Variants in OCA2 observed in about 807,000 individuals in gnomAD.
The protein encoded by OCA2 is P protein.
A neutral mutation model predicts 100.2 loss-of-function variants in OCA2; 77 were observed. That is an observed-to-expected ratio of 0.77 (90% CI 0.64 to 0.93). OCA2 has a LOEUF of 0.93. OCA2 is among the 40% of genes least tolerant of loss of function. The pLI, the probability that OCA2 is intolerant of heterozygous loss-of-function variation, is 0.00. For missense variants in OCA2, 1,062 were observed against 1,089.1 expected, an observed-to-expected ratio of 0.98 and a Z score of 0.35; for synonymous variants, 432 against 439.2, an observed-to-expected ratio of 0.98 and a Z score of 0.21.
At chr15:27,739,590 C>T in the OCA2 span, among the ~76,000 whole-genome samples, 4 of 151,748 alleles carry the variant, frequency 2.6e-5, no homozygotes, top group Non-Finnish European at 5.9e-5. Flanking sequence ...GAACTACAGG[C>T]GCCCACCACC....
intron 9 of OCA2, among the ~76,000 whole-genome samples, chr15:28,006,022 T>G (rs372007788): frequency 6.6e-6 from 1 of 152,276 alleles, no homozygotes; most frequent in Admixed American, 6.5e-5. Context: ...TGGGGAACTT[T>G]GGGCAAGTGG....
intron 23 of OCA2, among the ~76,000 whole-genome samples, chr15:27,831,670 C>T (rs962354258): frequency 4.6e-5 from 7 of 152,160 alleles, no homozygotes; most frequent in Non-Finnish European, 1.0e-4. Flanking sequence ...GGTCTGTCTC[C>T]GGAGCTGCCT....
intron 23 of OCA2, among the ~76,000 whole-genome samples, chr15:27,824,644 A>G (rs1214693838): frequency 7.2e-6 from 1 of 138,956 alleles, no homozygotes; most frequent in Non-Finnish European, 1.5e-5. Context: ...ATATGTAAAA[A>G]ATTAGGTTGT....
At chr15:27,867,994 C>A (rs4476137) in intron 21 of OCA2, among the ~76,000 whole-genome samples, 5,815 of 152,324 alleles carry the variant, frequency 0.038, 130 homozygotes, top group South Asian at 0.059. Flanking sequence ...GTCGTAACCA[C>A]CTATGCAGCA....
intron 23 of OCA2, among the ~76,000 whole-genome samples, chr15:27,798,177 G>T (rs1367077127): frequency 2.6e-5 from 4 of 152,192 alleles, no homozygotes; most frequent in African/African-American, 9.7e-5. Flanking sequence ...GGGAGGTGGG[G>T]TCAGAGGGGA....
intron 2 of OCA2, among the ~76,000 whole-genome samples, chr15:28,078,312 G>A (rs2044499761): frequency 6.6e-6 from 1 of 152,042 alleles, no homozygotes; most frequent in Non-Finnish European, 1.5e-5. Flanking sequence ...TTCATCTCTG[G>A]GGTTGGTGAT....
chr15:28,036,679 G>A (rs138216318), intron 2 of OCA2, among the ~76,000 whole-genome samples: 1 of 152,030 alleles, frequency 6.6e-6, no homozygotes, highest in African/African-American at 2.4e-5. Flanking sequence ...ATCCTATGAT[G>A]CTTATATCAT....
chr15:27,913,897 AAGCAAGCAAGC>A (rs1567098648), intron 19 of OCA2, among the ~76,000 whole-genome samples: 1,438 of 35,450 alleles, frequency 0.041, 77 homozygotes, highest in South Asian at 0.11. Flanking sequence ...GAAAGAAAGC[AAGCAAGCAAGC>A]AAGCAAGCAA....
chr15:27,892,901 T>C (rs1041993979), intron 19 of OCA2, among the ~76,000 whole-genome samples: 11 of 152,144 alleles, frequency 7.2e-5, no homozygotes, highest in Admixed American at 5.9e-4. Flanking sequence ...ATTTCAGACA[T>C]TAAAATGATA....
intron 21 of OCA2, among the ~76,000 whole-genome samples, chr15:27,870,169 T>C (rs2036488650): frequency 6.6e-6 from 1 of 152,200 alleles, no homozygotes; most frequent in African/African-American, 2.4e-5. Context: ...GGTGCCATTG[T>C]TCAGAATACT....
At chr15:28,086,383 C>T (rs147227058) in intron 1 of OCA2, among the ~76,000 whole-genome samples, 54 of 152,358 alleles carry the variant, frequency 3.5e-4, no homozygotes, top group African/African-American at 1.2e-3. Flanking sequence ...AGAGGTCCCA[C>T]AACCACCCAG....
intron 19 of OCA2, among the ~76,000 whole-genome samples, chr15:27,893,774 T>G (rs2037566746): frequency 6.6e-6 from 1 of 152,186 alleles, no homozygotes; most frequent in African/African-American, 2.4e-5. Flanking sequence ...AAGATGTTTA[T>G]CAAGACAATA....
At chr15:27,960,624 C>G (rs1227002983) in intron 15 of OCA2, among the ~76,000 whole-genome samples, 1 of 151,998 alleles carries the variant, frequency 6.6e-6, no homozygotes, top group East Asian at 1.9e-4. Flanking sequence ...ATCTATGTAT[C>G]TATGTATCTA....
At chr15:27,978,997 A>T (rs911259198) in intron 14 of OCA2, among the ~76,000 whole-genome samples, 7 of 152,122 alleles carry the variant, frequency 4.6e-5, no homozygotes, top group Non-Finnish European at 8.8e-5. Flanking sequence ...TTGTATCTTT[A>T]TATTTTAAAC....
At chr15:27,956,168 G>A (rs981669418) in intron 16 of OCA2, among the ~76,000 whole-genome samples, 1 of 152,000 alleles carries the variant, frequency 6.6e-6, no homozygotes, top group Non-Finnish European at 1.5e-5. Flanking sequence ...TGACCAACAC[G>A]GAGAAACCCC....
chr15:27,939,827 G>A (rs2039583708), intron 18 of OCA2, among the ~76,000 whole-genome samples: 1 of 152,238 alleles, frequency 6.6e-6, no homozygotes, highest in South Asian at 2.1e-4. Context: ...TAAAGTATCT[G>A]CATTAAACAC....
At chr15:27,800,516 G>T (rs369674236) in intron 23 of OCA2, among the ~76,000 whole-genome samples, 12 of 152,282 alleles carry the variant, frequency 7.9e-5, no homozygotes, top group African/African-American at 2.9e-4. Flanking sequence ...CAGTACTACA[G>T]ATTATACAGA....
Position 27,755,380 on chromosome 15 carries a change from G to A in OCA2, c.*8C>T. On this transcript the variant is annotated 3_prime_UTR_variant, in exon 24 of 24. Transcript: ENST00000354638. ...TCCTTTAGTCTTCGAGCAATAGATG[G>A]ATGTCTATTAATTCCATCCCACCAC... The A allele has an allele frequency of 1.3e-6, 2 of 1,595,222 alleles. No homozygotes were observed. Among genetic ancestry groups the A allele is most frequent in the African/African-American group, 1.3e-5 (1 of 74,608 alleles).
At chr15:27,899,682 A>G (rs2037844500) in intron 19 of OCA2, among the ~76,000 whole-genome samples, 1 of 152,184 alleles carries the variant, frequency 6.6e-6, no homozygotes. Context: ...GTGCTCCATT[A>G]CCCAGAAGCA....
Sources: gnomAD v4.1 joint callset for allele counts (sites outside exome capture counted in the v4.1 genomes callset) on GRCh38, gnomAD v4.1.1 for gene constraint, MANE v1.5 for transcripts, NCBI Gene and HGNC (gene_info 2026-07-23, HGNC 2026-07-21) for gene names.